Variants in TFEC observed in about 807,000 individuals in gnomAD.
The protein encoded by TFEC is transcription factor EC.
Under a neutral mutation model 41.6 loss-of-function variants are expected in TFEC, and 31 were observed. The ratio of observed to expected loss-of-function variants is 0.74; its 90% CI spans 0.56 to 1.01. The LOEUF is 1.01. Ranked by LOEUF, TFEC falls within the 50% of genes least tolerant of loss-of-function variation. The pLI is 0.00. For synonymous variants in TFEC, 143 were observed against 140.6 expected, an observed-to-expected ratio of 1.02 and a Z score of -0.12; for missense variants, 402 against 404.1, an observed-to-expected ratio of 0.99 and a Z score of 0.04.
At chr7:116,073,528 G>A (rs1037295794) in intron 3 of TFEC, among the ~76,000 whole-genome samples, 5 of 151,456 alleles carry the variant, frequency 3.3e-5, no homozygotes, top group Non-Finnish European at 7.4e-5. Flanking sequence ...ACCATAGCAC[G>A]TGTATACTCT....
chr7:115,988,489 G>A (rs1454960920), intron 1 of TFEC, among the ~76,000 whole-genome samples: 5 of 151,788 alleles, frequency 3.3e-5, no homozygotes, highest in Non-Finnish European at 7.4e-5. Flanking sequence ...CTGAGATTAA[G>A]GATTTCACAA....
chr7:116,010,774 AT>A (rs537810881), intron 1 of TFEC, among the ~76,000 whole-genome samples: 3 of 152,154 alleles, frequency 2.0e-5, no homozygotes, highest in East Asian at 1.9e-4. Flanking sequence ...TCCTTATTGA[AT>A]TTTTTTGCGT....
chr7:116,034,450 A>T (rs147011125), upstream of TFEC, among the ~76,000 whole-genome samples: 42 of 151,798 alleles, frequency 2.8e-4, no homozygotes, highest in African/African-American at 6.8e-4. Flanking sequence ...CTAGATTAAC[A>T]CCATCTTCAT....
intron 3 of TFEC, among the ~76,000 whole-genome samples, chr7:116,053,475 G>A (rs1429451543): frequency 6.6e-6 from 1 of 152,236 alleles, no homozygotes; most frequent in Non-Finnish European, 1.5e-5. Context: ...CGGTTTGAAT[G>A]TCTTTTCCAA....
intron 3 of TFEC, among the ~76,000 whole-genome samples, chr7:116,078,912 A>C (rs1797023491): frequency 6.6e-6 from 1 of 152,126 alleles, no homozygotes; most frequent in Non-Finnish European, 1.5e-5. Flanking sequence ...CCTGATGAAC[A>C]CAGATGCAAA....
chr7:115,955,688 A>T (rs941366237), intron 4 of TFEC, among the ~76,000 whole-genome samples: 2 of 152,080 alleles, frequency 1.3e-5, no homozygotes, highest in African/African-American at 4.8e-5. Flanking sequence ...ATAAATGTTT[A>T]TTACTTCAAG....
chr7:116,004,741 A>G (rs149710719), intron 1 of TFEC, among the ~76,000 whole-genome samples: 126 of 152,276 alleles, frequency 8.3e-4, no homozygotes, highest in African/African-American at 2.9e-3. Context: ...TGCAAGTACA[A>G]TGAAGAGAAT....
intron 3 of TFEC, among the ~76,000 whole-genome samples, chr7:116,037,321 T>C (rs1332313398): frequency 6.6e-6 from 1 of 151,986 alleles, no homozygotes; most frequent in Non-Finnish European, 1.5e-5. Flanking sequence ...TGAAGAAACT[T>C]AGCTTCCCTC....
chr7:116,050,611 C>A (rs902430519), intron 3 of TFEC, among the ~76,000 whole-genome samples: 2 of 152,154 alleles, frequency 1.3e-5, no homozygotes, highest in African/African-American at 4.8e-5. Flanking sequence ...CATCTCACAC[C>A]AGGTAGAATG....
intron 1 of TFEC, among the ~76,000 whole-genome samples, chr7:116,155,131 G>A (rs1798843409): frequency 6.6e-6 from 1 of 152,166 alleles, no homozygotes; most frequent in South Asian, 2.1e-4. Context: ...GAAAGACCTA[G>A]TACGATTTCT....
intron 1 of TFEC, among the ~76,000 whole-genome samples, chr7:116,002,865 T>C (rs895437737): frequency 7.2e-5 from 11 of 152,118 alleles, no homozygotes; most frequent in African/African-American, 2.7e-4. Flanking sequence ...TAAATGTATA[T>C]TGCAAACTCT....
At chr7:116,079,817 C>A (rs1397889240) in intron 3 of TFEC, among the ~76,000 whole-genome samples, 1 of 151,834 alleles carries the variant, frequency 6.6e-6, no homozygotes, top group Non-Finnish European at 1.5e-5. Flanking sequence ...CTTCACAGAA[C>A]TAGAAAAAGG....
chr7:115,955,350 A>T (rs1156458259), intron 4 of TFEC, among the ~76,000 whole-genome samples: 1 of 152,148 alleles, frequency 6.6e-6, no homozygotes, highest in Non-Finnish European at 1.5e-5. Flanking sequence ...GCTAGATAAT[A>T]GGAGAAATTT....
intron 3 of TFEC, among the ~76,000 whole-genome samples, chr7:116,039,613 T>A (rs1795987793): frequency 6.6e-6 from 1 of 151,968 alleles, no homozygotes. Flanking sequence ...AACAGAAAGT[T>A]TTCTCCAGGA....
intron 1 of TFEC, among the ~76,000 whole-genome samples, chr7:116,123,546 G>A (rs573008358): frequency 6.6e-6 from 1 of 151,798 alleles, no homozygotes; most frequent in Non-Finnish European, 1.5e-5. Flanking sequence ...GAATGCTTAC[G>A]TGGATCCTGT....
intron 1 of TFEC, among the ~76,000 whole-genome samples, chr7:116,020,087 C>G (rs1355900298): frequency 2.6e-5 from 4 of 152,154 alleles, no homozygotes; most frequent in African/African-American, 9.6e-5. Flanking sequence ...GGTGAGCCAC[C>G]TTATTCTCTA....
chr7:116,040,276 T>C (rs966060041), intron 3 of TFEC, among the ~76,000 whole-genome samples: 2 of 152,170 alleles, frequency 1.3e-5, no homozygotes, highest in African/African-American at 4.8e-5. Context: ...TTTTAATTGA[T>C]AGTATTTTAG....
At position 116,028,678 on chromosome 7, in the gene TFEC, A is replaced by T. The variant is rs1795675976; in HGVS notation, c.-73+1955T>A. On this transcript the variant is annotated intron_variant, in intron 1 of 7. Coordinates refer to ENST00000265440, the MANE Select transcript of TFEC (RefSeq NM_012252.4). Reference sequence around the variant, plus strand: ...TTTTACTGTAAGAGCTTTCATCTCCATGAAGAATCTGGAATGTCTAATTGA... The same window carrying T: ...TTTTACTGTAAGAGCTTTCATCTCCTTGAAGAATCTGGAATGTCTAATTGA... 2.6e-5 allele frequency among the ~76,000 whole-genome samples: 4 copies of T among 152,214 alleles called. No homozygotes were observed. The South Asian group carries it at 8.3e-4, about 32-fold the overall frequency.
rs368597795 is a variant in TFEC at position 116,063,924 on chromosome 7, C to T, written c.198+46784G>A. On this transcript the variant is annotated intron_variant, in intron 3 of 8. Transcript: ENST00000484212. ...GAACATGGGAGTGCAGATATTTCTT[C>T]GACTTAATGATTTCATTTCCTTTAG... is the stretch of plus-strand genomic sequence containing the variant. Among the ~76,000 whole-genome samples the T allele has an allele frequency of 5.3e-5, 8 of 151,992 alleles. No individual in the cohort carries two copies. The East Asian group carries it at 1.3e-3, about 26-fold the overall frequency.
Sources: gnomAD v4.1 joint callset for allele counts (sites outside exome capture counted in the v4.1 genomes callset) on GRCh38, gnomAD v4.1.1 for gene constraint, MANE v1.5 for transcripts, NCBI Gene and HGNC (gene_info 2026-07-23, HGNC 2026-07-21) for gene names.